Variants in RPE observed in about 807,000 individuals in gnomAD.
RPE encodes the protein ribulose-5-phosphate-3-epimerase.
In RPE, 16 loss-of-function variants were observed where a neutral mutation model predicts 24.6. The observed-to-expected ratio is 0.65, with a 90% CI of 0.44 to 0.99. RPE has a LOEUF of 0.99. Among genes scored for constraint, RPE ranks in the 50% least tolerant of loss-of-function variants. The pLI is 0.00. For missense variants in RPE, 240 were observed against 294.5 expected, an observed-to-expected ratio of 0.81 and a Z score of 1.35; for synonymous variants, 93 against 98.4, an observed-to-expected ratio of 0.94 and a Z score of 0.33.
chr2:210,009,788 A>G (rs887465105), intron 2 of RPE, 52 bp downstream of exon 2: 3 of 1,609,944 alleles, frequency 1.9e-6, no homozygotes, highest in Non-Finnish European at 2.6e-6. Flanking sequence ...AAGTAAAGGA[A>G]AACTGGATGG....
At chr2:210,005,327 C>G (rs1320284523) in intron 1 of RPE, among the ~76,000 whole-genome samples, 6 of 152,164 alleles carry the variant, frequency 3.9e-5, no homozygotes, top group Admixed American at 2.0e-4. Context: ...GTCTCCTCCC[C>G]ACTAAGACCT....
intron 5 of RPE, among the ~76,000 whole-genome samples, chr2:210,019,035 A>G (rs1312715904): frequency 1.3e-5 from 2 of 152,196 alleles, no homozygotes; most frequent in Non-Finnish European, 2.9e-5. Context: ...ATCAGATCCT[A>G]GGAAGATCAG....
At chr2:210,016,339 T>C (rs2125084223) in intron 3 of RPE, 168 bp from the exon 4 acceptor site, 1 of 1,570,148 alleles carries the variant, frequency 6.4e-7, no homozygotes, top group Non-Finnish European at 8.6e-7. Flanking sequence ...ATTTATGTAT[T>C]CCACTAAAGT....
chr2:210,016,804 T>C (rs1460610663), intron 4 of RPE, among the ~76,000 whole-genome samples, 163 bp downstream of exon 4: 1 of 152,222 alleles, frequency 6.6e-6, no homozygotes, highest in African/African-American at 2.4e-5. Context: ...TGTAATAGAT[T>C]TCTGATTTGG....
chr2:210,020,787 A>G lies in RPE; in HGVS notation c.*996A>G, dbSNP rs534700340. 5 of 157,854 alleles carry G rather than the reference A, an allele frequency of 3.2e-5. No homozygotes were observed. The highest frequency in any genetic ancestry group is 2.9e-5 in the Non-Finnish European group (2 of 68,026). 9.8% of individuals were successfully genotyped at this position (157,854 alleles called of 1,614,324 possible). ...AAATCACCTCTATAAGTAAGTGGTA[A>G]TAATAAAGCAGATATTTTTGTCCCC... is the stretch of plus-strand genomic sequence containing the variant. On this transcript the variant is annotated 3_prime_UTR_variant, in exon 6 of 6. Coordinates refer to ENST00000359429, the MANE Select transcript of RPE (RefSeq NM_199229.3).
intron 1 of RPE, among the ~76,000 whole-genome samples, chr2:210,006,862 C>G (rs548174152): frequency 4.6e-5 from 7 of 152,296 alleles, no homozygotes; most frequent in Non-Finnish European, 7.3e-5. Flanking sequence ...AATTAAACCT[C>G]CAAAGACCAA....
At chr2:210,003,457 G>C in intron 1 of RPE, 1 of 1,288,056 alleles carries the variant, frequency 7.8e-7, no homozygotes, top group Non-Finnish European at 1.0e-6. Flanking sequence ...TCTTCAGGGA[G>C]GTCAGTTTTT....
At chr2:210,009,856 C>T in intron 2 of RPE, 120 bp downstream of exon 2, 1 of 1,312,350 alleles carries the variant, frequency 7.6e-7, no homozygotes, top group South Asian at 1.2e-5. Context: ...TATCCTGGGT[C>T]TTCATTGGCC....
intron 2 of RPE, among the ~76,000 whole-genome samples, chr2:210,014,577 G>A (rs1036376331): frequency 2.6e-5 from 4 of 151,738 alleles, no homozygotes; most frequent in East Asian, 1.9e-4. Context: ...AGGATCACTT[G>A]TGGCCAGAAG....
intron 2 of RPE, among the ~76,000 whole-genome samples, chr2:210,010,649 C>A (rs2093687564): frequency 6.6e-6 from 1 of 152,124 alleles, no homozygotes; most frequent in Admixed American, 6.6e-5. Flanking sequence ...TTATGAAGGA[C>A]TCTGTGCTGT....
intron 1 of RPE, among the ~76,000 whole-genome samples, chr2:210,005,616 T>C (rs1444480628): frequency 2.0e-5 from 3 of 152,078 alleles, no homozygotes; most frequent in South Asian, 2.1e-4. Flanking sequence ...TAATACTGCA[T>C]TTCTGACTTT....
At chr2:210,016,315 C>T in intron 3 of RPE, 192 bp from the exon 4 acceptor site, 1 of 1,594,850 alleles carries the variant, frequency 6.3e-7, no homozygotes, top group Non-Finnish European at 8.5e-7. Flanking sequence ...GATTTAACTT[C>T]TTTGTCACAT....
intron 2 of RPE, among the ~76,000 whole-genome samples, chr2:210,014,343 C>T (rs1037419825): frequency 5.3e-5 from 8 of 152,150 alleles, no homozygotes; most frequent in African/African-American, 1.9e-4. Context: ...CCCGCCTTGG[C>T]CTCCCAAAGT....
At chr2:210,018,943 T>A (rs2093817101) in intron 5 of RPE, among the ~76,000 whole-genome samples, 1 of 152,106 alleles carries the variant, frequency 6.6e-6, no homozygotes, top group Non-Finnish European at 1.5e-5. Flanking sequence ...TCTGGAAAAA[T>A]TTTCCTCAGC....
rs920039151 is a variant in RPE, at chr2:210,015,903, T to A, written c.203-70T>A. On this transcript the variant is annotated intron_variant, in intron 2 of 5. Coordinates refer to ENST00000359429, the MANE Select transcript of RPE (RefSeq NM_199229.3). ...CTTATCAGAAGTGGCAAAAACTACATACAGGTTGGCTTCCAATAACATGAG... is the reference window on the plus strand; with the variant it reads ...CTTATCAGAAGTGGCAAAAACTACAAACAGGTTGGCTTCCAATAACATGAG... 5 of 1,561,110 alleles carry A rather than the reference T, an allele frequency of 3.2e-6. No homozygotes were observed. In the African/African-American group the frequency reaches 5.5e-5, roughly 17 times the overall value.
chr2:210,010,674 A>G (rs1203251677), intron 2 of RPE, among the ~76,000 whole-genome samples: 1 of 152,212 alleles, frequency 6.6e-6, no homozygotes, highest in Non-Finnish European at 1.5e-5. Context: ...TATGGTAGTC[A>G]TAAGCCACAT....
chr2:210,003,463 T>A (rs1200714229), intron 1 of RPE: 23 of 1,287,838 alleles, frequency 1.8e-5, no homozygotes, highest in Non-Finnish European at 2.3e-5. Flanking sequence ...GGGAGGTCAG[T>A]TTTTTGTAAG....
intron 2 of RPE, among the ~76,000 whole-genome samples, chr2:210,014,515 G>C (rs1348105673): frequency 2.6e-5 from 4 of 151,760 alleles, no homozygotes; most frequent in African/African-American, 9.7e-5. Context: ...AATTTAGGCC[G>C]GGTGTGGTGG....
rs370264879 is a variant in RPE, at chr2:210,009,659, A to G, written c.125A>G (p.His42Arg). The G allele has an allele frequency of 1.3e-4, 208 of 1,614,062 alleles. No homozygotes were observed. Among genetic ancestry groups the G allele is most frequent in the Non-Finnish European group, 1.6e-4 (191 of 1,180,020 alleles). Residue 42 changes from histidine (H) to arginine (R), a missense_variant and splice_region_variant, in exon 2 of 6, where the codon CAT (histidine) becomes CGT (arginine). Physicochemically the swap from His to Arg is conservative, Grantham distance 29. Coordinates refer to ENST00000359429, the MANE Select transcript of RPE (RefSeq NM_199229.3). Reference sequence around the variant, plus strand: ...AGTAGATTTTGTTTGTCTTGTAGGCATTTTGTTCCCAACATCACCTTTGGT... The same window carrying G: ...AGTAGATTTTGTTTGTCTTGTAGGCGTTTTGTTCCCAACATCACCTTTGGT... ...DYLHLDVMDG[H>R]FVPNITFGHP... is the part of the protein sequence containing the mutation.
Sources: gnomAD v4.1 joint callset for allele counts (sites outside exome capture counted in the v4.1 genomes callset) on GRCh38, gnomAD v4.1.1 for gene constraint, MANE v1.5 for transcripts, NCBI Gene and HGNC (gene_info 2026-07-23, HGNC 2026-07-21) for gene names.